The following NRIP1 variants were observed in gnomAD, a reference collection of about 807,000 sequenced individuals.
NRIP1 encodes nuclear receptor interacting protein 1.
NRIP1 carries 28 observed loss-of-function variants against 75.0 expected under a neutral mutation model. The observed-to-expected ratio is 0.37, with a 90% CI of 0.28 to 0.51. NRIP1 has a LOEUF of 0.51. Among genes scored for constraint, NRIP1 ranks in the 20% least tolerant of loss-of-function variants. The pLI is 0.92. For synonymous variants in NRIP1, 526 were observed against 487.6 expected (o/e 1.08, Z -1.04); for missense variants, 1,435 against 1,343.7 (o/e 1.07, Z -1.06).
rs568538649 is a variant in NRIP1, at chr21:15,038,849, T to C, written c.-458+4646A>G. 5.3e-5 allele frequency among the ~76,000 whole-genome samples: 8 copies of C among 152,254 alleles called. No homozygotes were observed. In the East Asian group the frequency reaches 1.5e-3, roughly 29 times the overall value. On this transcript the variant is annotated intron_variant, in intron 2 of 3. Transcript: ENST00000318948. ...AACTAGTCTATAAACAGGTATGTCC[T>C]CCTTCTAGATGCTCAGCCTCAGACT...
intron 3 of NRIP1, among the ~76,000 whole-genome samples, chr21:14,996,736 A>C (rs1203904094): frequency 6.6e-6 from 1 of 152,152 alleles, no homozygotes; most frequent in East Asian, 1.9e-4. Flanking sequence ...TTTTTGCTAA[A>C]TATAATAAAT....
intron 2 of NRIP1, among the ~76,000 whole-genome samples, chr21:15,014,972 C>A (rs373859376): frequency 6.6e-6 from 1 of 151,982 alleles, no homozygotes; most frequent in African/African-American, 2.4e-5. Context: ...CACAACAATG[C>A]CCAAAGTAGA....
At chr21:14,982,832 T>C (rs2087283781) in intron 3 of NRIP1, among the ~76,000 whole-genome samples, 1 of 151,706 alleles carries the variant, frequency 6.6e-6, no homozygotes, top group Non-Finnish European at 1.5e-5. Context: ...ATTTAGGTAT[T>C]TCTCACAATA....
chr21:15,063,787 A>T (rs1453901989), intron 1 of NRIP1, among the ~76,000 whole-genome samples: 2 of 152,244 alleles, frequency 1.3e-5, no homozygotes, highest in African/African-American at 4.8e-5. Flanking sequence ...GCCATTAAAA[A>T]ATATTTTTAA....
chr21:14,971,404 C>T, intron 3 of NRIP1: 1 of 152,214 alleles, frequency 6.6e-6, no homozygotes, highest in Non-Finnish European at 1.5e-5. Context: ...TTGAAGGAAT[C>T]ACGAGGAGAA....
intron 2 of NRIP1, among the ~76,000 whole-genome samples, chr21:15,041,074 C>T (rs779653414): frequency 2.6e-5 from 4 of 152,028 alleles, no homozygotes; most frequent in Non-Finnish European, 4.4e-5. Flanking sequence ...GCCTTATTTG[C>T]AGACACAAAC....
rs141951801 is a variant in NRIP1 at position 14,968,024 on chromosome 21, C to T, written c.169G>A (p.Ala57Thr). 1 of 1,614,036 alleles carries T rather than the reference C, an allele frequency of 6.2e-7. No individual in the cohort carries two copies. The highest frequency in any genetic ancestry group is 1.1e-5 in the South Asian group (1 of 91,082). ...EDQNFNISGS[A>T]FPTCQSNGPV... ...CCATTACTTTGACAGGTGGGAAATG[C>T]ACTGCCAGAAATGTTAAAGTTCTGA... Residue 57 changes from alanine to threonine, a missense_variant, in exon 4 of 4, where the codon GCA (alanine) becomes ACA (threonine). Physicochemically the swap from Ala to Thr is moderately conservative, Grantham distance 58. Transcript: ENST00000318948.
chr21:14,997,543 T>TC (rs1315694623), intron 3 of NRIP1, among the ~76,000 whole-genome samples: 6 of 151,910 alleles, frequency 3.9e-5, no homozygotes, highest in African/African-American at 1.2e-4. Context: ...TGGATACAGC[T>TC]CCCATATTAT....
chr21:14,975,333 C>A (rs975276485), intron 3 of NRIP1, among the ~76,000 whole-genome samples: 8 of 152,004 alleles, frequency 5.3e-5, no homozygotes, highest in African/African-American at 1.9e-4. Context: ...CAGAAAAATA[C>A]TGAATCATCA....
In NRIP1 at chr21:14,965,389, A is replaced by G; in HGVS notation, c.2804T>C (p.Val935Ala). Residue 935 changes from valine (V) to alanine (A), a missense_variant, in exon 4 of 4, where the codon GTT (valine) becomes GCT (alanine). Transcript: ENST00000318948. Reference sequence around the variant, plus strand: ...TTCTGAGAGAAGCAGCTGTTTCAGAACATTAAAGCTTTTGCTCTCTCTGGC... The same window carrying G: ...TTCTGAGAGAAGCAGCTGTTTCAGAGCATTAAAGCTTTTGCTCTCTCTGGC... ...SWARESKSFNVLKQLLLSENC... is the reference protein window; with the variant it reads ...SWARESKSFNALKQLLLSENC... 4 of 1,614,070 alleles carry G rather than the reference A, an allele frequency of 2.5e-6. No homozygotes were observed. The highest frequency in any genetic ancestry group is 3.4e-6 in the Non-Finnish European group (4 of 1,179,950).
In NRIP1 at chr21:14,965,751, G is replaced by T. The variant is rs564965761; in HGVS notation, c.2442C>A (p.Ser814=). 1.9e-6 allele frequency: 3 copies of T among 1,613,880 alleles called. No homozygotes were observed. Among genetic ancestry groups the T allele is most frequent in the African/African-American group, 1.3e-5 (1 of 74,992 alleles). The change falls in exon 4 of 4, where the codon TCC becomes TCA. Residue 814 remains serine, a synonymous_variant. Transcript: ENST00000318948. Reference sequence around the variant, plus strand: ...GCAATCGACTTAGCAGACCATTCTTGGAGAAAGAAAAATCCTGAGGTGAAA... The same window carrying T: ...GCAATCGACTTAGCAGACCATTCTTTGAGAAAGAAAAATCCTGAGGTGAAA... ...EPVSPQDFSF[S]KNGLLSRLLR... is the part of the protein sequence containing the mutation.
In NRIP1 at chr21:14,966,985, C is replaced by T; in HGVS notation, c.1208G>A (p.Ser403Asn). 4 of 1,614,134 alleles carry T rather than the reference C, an allele frequency of 2.5e-6. No individual in the cohort carries two copies. The highest frequency in any genetic ancestry group is 3.3e-4 in the Middle Eastern group (2 of 6,062). ...MNGHSHSERG[S>N]IFEESSTPTT... is the part of the protein sequence containing the mutation. ...AGGTGTACTACTTTCCTCAAAAATG[C>T]TTCCTCTCTCACTGTGACTGTGTCC... The change falls in exon 4 of 4, where the codon AGC becomes AAC. Residue 403 changes from serine to asparagine, a missense_variant. Ser to Asn is a conservative substitution (Grantham distance 46, BLOSUM62 1). Transcript: ENST00000318948.
chr21:15,020,190 C>G (rs1280164799), intron 2 of NRIP1, among the ~76,000 whole-genome samples: 1 of 152,138 alleles, frequency 6.6e-6, no homozygotes, highest in African/African-American at 2.4e-5. Context: ...TTAAACTTAT[C>G]TAATCTCAAA....
chr21:14,994,896 G>A (rs2087678759), intron 3 of NRIP1, among the ~76,000 whole-genome samples: 1 of 152,156 alleles, frequency 6.6e-6, no homozygotes, highest in African/African-American at 2.4e-5. Flanking sequence ...AAGTATTCTA[G>A]AGCAAACAAA....
At chr21:15,033,253 C>A (rs116403220) in intron 2 of NRIP1, among the ~76,000 whole-genome samples, 1,789 of 150,616 alleles carry the variant, frequency 0.012, 30 homozygotes, top group African/African-American at 0.04. Flanking sequence ...ATACTGCATA[C>A]TATGTGCCAG....
At chr21:15,005,051 A>G (rs2087932207) in intron 3 of NRIP1, among the ~76,000 whole-genome samples, 1 of 152,246 alleles carries the variant, frequency 6.6e-6, no homozygotes, top group African/African-American at 2.4e-5. Flanking sequence ...TTTATAAATT[A>G]TATTTCATCA....
intron 3 of NRIP1, among the ~76,000 whole-genome samples, chr21:15,014,065 A>C (rs1162664234): frequency 6.6e-6 from 1 of 152,210 alleles, no homozygotes; most frequent in African/African-American, 2.4e-5. Flanking sequence ...CTGAATTCTC[A>C]AGAATATTTT....
chr21:15,064,755 C>T lies in NRIP1; in HGVS notation c.-548G>A, dbSNP rs1978719572. 1 of 149,170 alleles carries T rather than the reference C, an allele frequency of 6.7e-6. No individual in the cohort carries two copies. Among genetic ancestry groups the T allele is most frequent in the Non-Finnish European group, 1.5e-5 (1 of 66,874 alleles). 9.2% of individuals were successfully genotyped at this position (149,170 alleles called of 1,614,324 possible). ...GCGGCCGTCACTCACCCCAGGCCGC[C>T]GCGGCTCCCAGCCTCCGGCTCCGTC... is the stretch of plus-strand genomic sequence containing the variant. On this transcript the variant is annotated 5_prime_UTR_variant, in exon 1 of 4. Transcript: ENST00000318948.
intron 3 of NRIP1, among the ~76,000 whole-genome samples, chr21:14,998,781 A>C (rs1997577): frequency 1.3e-5 from 2 of 152,032 alleles, no homozygotes; most frequent in African/African-American, 2.4e-5. Flanking sequence ...TAACTTTATC[A>C]TAAGAATACA....
Sources: allele counts gnomAD v4.1 joint callset (sites outside exome capture counted in the v4.1 genomes callset), GRCh38; gene constraint gnomAD v4.1.1; transcripts MANE v1.5; gene names NCBI Gene and HGNC (gene_info 2026-07-23, HGNC 2026-07-21).